Variants in DOCK5 observed in about 807,000 individuals in gnomAD.
The protein encoded by DOCK5 is dedicator of cytokinesis protein 5.
In DOCK5, 142 loss-of-function variants were observed where a neutral mutation model predicts 251.8. That is an observed-to-expected ratio of 0.56 (90% confidence interval 0.49 to 0.65). The LOEUF (loss-of-function observed/expected upper bound fraction) is 0.65, where lower values mean the gene tolerates loss of function less well. Among genes scored for constraint, DOCK5 ranks in the 30% least tolerant of loss-of-function variants. DOCK5 has a pLI of 0.00. For synonymous variants in DOCK5, 842 were observed against 835.5 expected (o/e 1.01, Z -0.13); for missense variants, 2,111 against 2,312.3 (o/e 0.91, Z 1.79).
intron 37 of DOCK5, chr8:25,375,621 T>C (rs1308926676): frequency 2.2e-6 from 2 of 914,144 alleles, no homozygotes; most frequent in Non-Finnish European, 2.6e-6. Context: ...AGCAGCCTCC[T>C]GTTTGGTGTC....
At chr8:25,307,397 G>A (rs1235812974) in intron 11 of DOCK5, among the ~76,000 whole-genome samples, 1 of 152,100 alleles carries the variant, frequency 6.6e-6, no homozygotes, top group Admixed American at 6.6e-5. Flanking sequence ...GGGATTACAG[G>A]TGTGAGCCAT....
intron 2 of DOCK5, among the ~76,000 whole-genome samples, chr8:25,254,804 A>AAAAAAG (rs1563326303): frequency 6.9e-6 from 1 of 145,618 alleles, no homozygotes; most frequent in African/African-American, 2.6e-5. Context: ...AAAAAAAAAA[A>AAAAAAG]ACATTTGATA....
chr8:25,296,452 C>T (rs1204557862), intron 6 of DOCK5, 61 bp from the exon 7 acceptor site: 1 of 1,562,804 alleles, frequency 6.4e-7, no homozygotes, highest in Non-Finnish European at 8.7e-7. Context: ...TTGACAAGGA[C>T]TCCTCAGTAA....
chr8:25,382,364 T>C (rs1801082532), intron 39 of DOCK5, among the ~76,000 whole-genome samples: 1 of 152,148 alleles, frequency 6.6e-6, no homozygotes, highest in South Asian at 2.1e-4. Context: ...TAACCTTTTG[T>C]AGTCCCTGAG....
At chr8:25,341,022 A>G in intron 23 of DOCK5, 34 bp downstream of exon 23, 6 of 1,542,984 alleles carry the variant, frequency 3.9e-6, no homozygotes, top group Non-Finnish European at 5.3e-6. Flanking sequence ...AACTCTTCTT[A>G]GGCTGTGGTA....
chr8:25,305,835 C>A (rs559639482), intron 11 of DOCK5, among the ~76,000 whole-genome samples: 1 of 152,186 alleles, frequency 6.6e-6, no homozygotes, highest in African/African-American at 2.4e-5. Context: ...TTAGATATTT[C>A]AAAAAATGTA....
chr8:25,245,779 A>G (rs1273668541), intron 2 of DOCK5, among the ~76,000 whole-genome samples: 1 of 152,146 alleles, frequency 6.6e-6, no homozygotes, highest in East Asian at 1.9e-4. Flanking sequence ...AGCTCAGGTG[A>G]TAGCCCCATC....
In DOCK5 at chr8:25,275,402, CAT is replaced by C; in HGVS notation, c.190_191del (p.Ile64ProfsTer14). On this transcript the variant is annotated frameshift_variant, in exon 4 of 52. Coordinates refer to ENST00000276440, the MANE Select transcript of DOCK5 (RefSeq NM_024940.8). LOFTEE classifies it high-confidence loss of function. The stretch of plus-strand genomic sequence containing the variant: ...TCTCTGTAGGGCATTTTCCCTGAAA[CAT>C]ATATCCATTTGAAAGAGGCAACTGT... The C allele has an allele frequency of 6.2e-7, 1 of 1,608,710 alleles. No homozygotes were observed. Among genetic ancestry groups the C allele is most frequent in the East Asian group, 2.2e-5 (1 of 44,752 alleles).
chr8:25,343,109 C>T (rs1315085516), intron 25 of DOCK5, among the ~76,000 whole-genome samples: 3 of 152,104 alleles, frequency 2.0e-5, no homozygotes, highest in African/African-American at 4.8e-5. Context: ...AGTGATTCTC[C>T]TGCCTCAGCC....
At chr8:25,364,754 G>C (rs1356958931) in intron 30 of DOCK5, 50 bp downstream of exon 30, 1 of 1,351,596 alleles carries the variant, frequency 7.4e-7, no homozygotes, top group South Asian at 1.3e-5. Context: ...GCCATGGCAA[G>C]AGAACTATAT....
At chr8:25,387,628 A>G (rs1563226520) in intron 40 of DOCK5, among the ~76,000 whole-genome samples, 1 of 152,166 alleles carries the variant, frequency 6.6e-6, no homozygotes, top group African/African-American at 2.4e-5. Context: ...CCTCCAGTGA[A>G]CATTCCAAGT....
intron 2 of DOCK5, among the ~76,000 whole-genome samples, chr8:25,245,072 T>C (rs112329188): frequency 6.6e-5 from 10 of 152,348 alleles, no homozygotes; most frequent in Non-Finnish European, 1.2e-4. Context: ...TTATTTATTT[T>C]TTGAGACGGA....
At position 25,382,654 on chromosome 8, in the gene DOCK5, T is replaced by C. The variant is rs1274475581; in HGVS notation, c.4027-20T>C. The C allele has an allele frequency of 1.3e-6, 2 of 1,577,398 alleles. No homozygotes were observed. On this transcript the variant is annotated intron_variant, in intron 39 of 51. Coordinates refer to ENST00000276440, the MANE Select transcript of DOCK5 (RefSeq NM_024940.8). ...GTGTACTTATAACCTCCCCTTGGAA[T>C]GTCTTGTTTTGTTTTCCAGAAAAAA...
At chr8:25,288,657 G>T (rs1374851938) in intron 5 of DOCK5, among the ~76,000 whole-genome samples, 2 of 152,154 alleles carry the variant, frequency 1.3e-5, no homozygotes, top group Non-Finnish European at 2.9e-5. Flanking sequence ...GCTAAAAGTG[G>T]ACAAATGCGT....
intron 24 of DOCK5, 67 bp downstream of exon 24, chr8:25,341,876 C>T: frequency 1.5e-6 from 2 of 1,294,886 alleles, no homozygotes; most frequent in Middle Eastern, 3.7e-4. Context: ...TGGCTGGAGC[C>T]TGGGCTGCTA....
chr8:25,363,668 G>C (rs1487215489), intron 29 of DOCK5, among the ~76,000 whole-genome samples: 1 of 152,170 alleles, frequency 6.6e-6, no homozygotes, highest in Non-Finnish European at 1.5e-5. Context: ...AAATTATAGG[G>C]CTTTTGATAC....
At chr8:25,293,337 A>C (rs951290508) in intron 6 of DOCK5, among the ~76,000 whole-genome samples, 8 of 152,198 alleles carry the variant, frequency 5.3e-5, no homozygotes, top group African/African-American at 1.9e-4. Context: ...GACTCTGACA[A>C]CTATATTCTG....
chr8:25,340,468 C>T (rs1001185787), intron 22 of DOCK5, among the ~76,000 whole-genome samples: 3 of 152,056 alleles, frequency 2.0e-5, no homozygotes, highest in Non-Finnish European at 2.9e-5. Flanking sequence ...TGGAAAGTGC[C>T]CAAATATCTC....
chr8:25,376,338 T>C (rs953991811), intron 37 of DOCK5: 11 of 985,220 alleles, frequency 1.1e-5, no homozygotes, highest in Non-Finnish European at 1.3e-5. Context: ...TTGTTAAGTA[T>C]AGTTCACATT....
Sources: gnomAD v4.1 joint callset for allele counts (sites outside exome capture counted in the v4.1 genomes callset) on GRCh38, gnomAD v4.1.1 for gene constraint, MANE v1.5 for transcripts, NCBI Gene and HGNC (gene_info 2026-07-23, HGNC 2026-07-21) for gene names.